DGLUCY: variants seen among roughly 807,000 people sequenced by gnomAD.
DGLUCY encodes the protein D-glutamate cyclase, mitochondrial.
In DGLUCY, 58 loss-of-function variants were observed where a neutral mutation model predicts 58.5. The ratio of observed to expected loss-of-function variants is 0.99; its 90% CI spans 0.80 to 1.23. DGLUCY has a LOEUF of 1.23. Among genes scored for constraint, DGLUCY ranks in the 50% most tolerant of loss-of-function variants. The probability of loss-of-function intolerance (pLI) is 0.00; values close to 1 mark genes in which losing one functional copy is unlikely to be tolerated. For missense variants in DGLUCY, 779 were observed against 784.7 expected (o/e 0.99, Z 0.09); for synonymous variants, 325 against 314.1 (o/e 1.03, Z -0.37).
At chr14:91,192,195 G>A (rs574638644) in intron 9 of DGLUCY, among the ~76,000 whole-genome samples, 1 of 152,308 alleles carries the variant, frequency 6.6e-6, no homozygotes, top group South Asian at 2.1e-4. Context: ...AGGAAGTTCC[G>A]ACACATGCTA....
At chr14:91,217,536 G>A (rs1429088731) in intron 13 of DGLUCY, among the ~76,000 whole-genome samples, 3 of 149,090 alleles carry the variant, frequency 2.0e-5, no homozygotes, top group Non-Finnish European at 4.4e-5. Flanking sequence ...CCAGGCTGGA[G>A]TATAGTGGCA....
intron 5 of DGLUCY, 144 bp from the exon 6 acceptor site, chr14:91,173,145 A>G (rs531472363): frequency 2.2e-6 from 2 of 897,622 alleles, no homozygotes; most frequent in African/African-American, 1.7e-5. Flanking sequence ...CCCTCTCTCT[A>G]TGTCACATAA....
chr14:91,062,611 A>ATATATATATATATATAT (rs1491583254), intron 1 of DGLUCY, among the ~76,000 whole-genome samples: 1 of 25,116 alleles, frequency 4.0e-5, no homozygotes, highest in African/African-American at 2.0e-4. Context: ...ATATATATAT[A>ATATATATATATATATAT]AACAATCCTT....
chr14:91,220,024 C>T (rs1266658501), intron 13 of DGLUCY, among the ~76,000 whole-genome samples: 2 of 152,338 alleles, frequency 1.3e-5, no homozygotes, highest in South Asian at 2.1e-4. Flanking sequence ...CCAGCCAGGC[C>T]GGCTGTGCCT....
chr14:91,157,154 G>GATGGATGA (rs1174361531), intron 1 of DGLUCY, among the ~76,000 whole-genome samples: 1 of 142,112 alleles, frequency 7.0e-6, no homozygotes, highest in Non-Finnish European at 1.6e-5. Context: ...TGGATGGATG[G>GATGGATGA]ATGAATGGGT....
chr14:91,189,239 G>A, intron 9 of DGLUCY, 69 bp downstream of exon 9: 1 of 1,580,260 alleles, frequency 6.3e-7, no homozygotes, highest in Non-Finnish European at 8.6e-7. Flanking sequence ...GAGGGAATCA[G>A]CATCTGCAGT....
upstream of DGLUCY, among the ~76,000 whole-genome samples, chr14:91,112,705 C>T (rs1042022802): frequency 1.3e-5 from 2 of 150,962 alleles, no homozygotes; most frequent in Non-Finnish European, 3.0e-5. Context: ...AACAAAAAAC[C>T]AAAACCAAAA....
chr14:91,103,636 C>T (rs1464039541), upstream of DGLUCY, among the ~76,000 whole-genome samples: 2 of 152,144 alleles, frequency 1.3e-5, no homozygotes, highest in Non-Finnish European at 2.9e-5. Flanking sequence ...TTGTTGCCTA[C>T]CCCAGAAATT....
chr14:91,215,275 C>A, intron 12 of DGLUCY, 130 bp from the exon 13 acceptor site: 1 of 1,413,610 alleles, frequency 7.1e-7, no homozygotes. Flanking sequence ...GTGTTTCTAG[C>A]AAGCTCCCAG....
rs34299453 is a variant in DGLUCY, at chr14:91,205,754, C to CTCTTCTTCTTCT, written c.1564+960_1564+971dup. 5.7e-3 allele frequency among the ~76,000 whole-genome samples: 739 copies of CTCTTCTTCTTCT among 129,808 alleles called. 7 individuals are homozygous for CTCTTCTTCTTCT. The highest frequency in any genetic ancestry group is 7.4e-3 in the East Asian group (34 of 4,578). The allele number at this position is 129,808 out of a possible 152,430, so 85.2% of individuals were successfully genotyped here. A position where few individuals can be genotyped will look rare whatever the true frequency, so the allele number is the denominator to read the frequency against. On this transcript the variant is annotated intron_variant, in intron 12 of 13. Transcript: ENST00000256324. ...TCATTTTCAAGTAGGCCAGGGCATT[C>CTCTTCTTCTTCT]TCTTCTTCTTCTTCTTCTTCTTCTT... is the stretch of plus-strand genomic sequence containing the variant.
At chr14:91,183,680 T>C (rs58813893) in intron 8 of DGLUCY, among the ~76,000 whole-genome samples, 1,784 of 152,282 alleles carry the variant, frequency 0.012, 37 homozygotes, top group African/African-American at 0.04. Flanking sequence ...ATTAACTTCA[T>C]TTAACAGGTG....
At chr14:91,102,304 G>A (rs2044501392) in intron 1 of DGLUCY, among the ~76,000 whole-genome samples, 1 of 152,154 alleles carries the variant, frequency 6.6e-6, no homozygotes, top group South Asian at 2.1e-4. Flanking sequence ...AGTTCTCTGT[G>A]AGGCGATGGA....
At chr14:91,148,089 G>C (rs1055706378) in intron 1 of DGLUCY, among the ~76,000 whole-genome samples, 1 of 152,092 alleles carries the variant, frequency 6.6e-6, no homozygotes, top group Non-Finnish European at 1.5e-5. Flanking sequence ...CAGGAGAATC[G>C]CTTGAACTAA....
chr14:91,072,658 A>C lies in DGLUCY; in HGVS notation c.-82+11954A>C, dbSNP rs866791687. On this transcript the variant is annotated intron_variant, in intron 1 of 4. Coordinates refer to the DGLUCY transcript ENST00000521334. Reference sequence around the variant, plus strand: ...GAAAGTGAGATTTGAGACACCAAAAAAAAAAACAAAAAACAAAACTTCCTC... The same window carrying C: ...GAAAGTGAGATTTGAGACACCAAAACAAAAAACAAAAAACAAAACTTCCTC... Among the ~76,000 whole-genome samples the C allele has an allele frequency of 2.1e-4, 30 of 142,164 alleles. 1 individual carries two copies. The Middle Eastern group carries it at 0.015, about 70-fold the overall frequency. The allele number at this position is 142,164 out of a possible 152,430, so 93.3% of individuals were successfully genotyped here. A position where few individuals can be genotyped will look rare whatever the true frequency, so the allele number is the denominator to read the frequency against.
chr14:91,180,486 C>T (rs1193053140), intron 7 of DGLUCY, among the ~76,000 whole-genome samples: 2 of 150,278 alleles, frequency 1.3e-5, no homozygotes, highest in Non-Finnish European at 3.0e-5. Flanking sequence ...GCGGGAGAGT[C>T]GCTTGAACCC....
At chr14:91,184,205 G>A (rs1476257695) in intron 8 of DGLUCY, among the ~76,000 whole-genome samples, 1 of 152,040 alleles carries the variant, frequency 6.6e-6, no homozygotes, top group Non-Finnish European at 1.5e-5. Flanking sequence ...CAGCAGCTGG[G>A]TAGAACCCCA....
chr14:91,120,006 T>A (rs1487420962), intron 1 of DGLUCY, among the ~76,000 whole-genome samples: 5 of 152,192 alleles, frequency 3.3e-5, no homozygotes, highest in East Asian at 3.8e-4. Context: ...GCTTCCCTAC[T>A]TTTGAGGTTT....
intron 1 of DGLUCY, among the ~76,000 whole-genome samples, chr14:91,122,795 G>T (rs1476512601): frequency 6.6e-6 from 1 of 151,864 alleles, no homozygotes; most frequent in Non-Finnish European, 1.5e-5. Flanking sequence ...TTTTAGTAGA[G>T]ACAAAGTTTC....
intron 1 of DGLUCY, among the ~76,000 whole-genome samples, chr14:91,061,782 G>T (rs2043693763): frequency 6.6e-6 from 1 of 152,198 alleles, no homozygotes; most frequent in Non-Finnish European, 1.5e-5. Flanking sequence ...AAGATAATGG[G>T]GAACTAGGGA....
Sources: allele counts gnomAD v4.1 joint callset (sites outside exome capture counted in the v4.1 genomes callset), GRCh38; gene constraint gnomAD v4.1.1; transcripts MANE v1.5; gene names NCBI Gene and HGNC (gene_info 2026-07-23, HGNC 2026-07-21).